The following DSCAM variants were observed in gnomAD, a reference collection of about 807,000 sequenced individuals.
DSCAM encodes DS cell adhesion molecule, also known as cell adhesion molecule DSCAM.
Under a neutral mutation model 217.7 loss-of-function variants are expected in DSCAM, and 47 were observed. The observed-to-expected ratio is 0.22, with a 90% CI of 0.17 to 0.28. DSCAM has a LOEUF of 0.28. DSCAM is among the 10% of genes least tolerant of loss of function. The pLI is 1.00. For missense variants in DSCAM, 2,080 were observed against 2,618.3 expected (o/e 0.79, Z 4.49); for synonymous variants, 1,056 against 1,015.3 (o/e 1.04, Z -0.76).
At chr21:40,541,475 T>C (rs771489717) in intron 3 of DSCAM, among the ~76,000 whole-genome samples, 6 of 152,336 alleles carry the variant, frequency 3.9e-5, no homozygotes, top group Non-Finnish European at 7.4e-5. Flanking sequence ...TCTTCATAAA[T>C]AGTTGTCTGT....
chr21:40,440,941 G>A (rs896830936), intron 3 of DSCAM, among the ~76,000 whole-genome samples: 2 of 152,158 alleles, frequency 1.3e-5, no homozygotes, highest in Non-Finnish European at 2.9e-5. Flanking sequence ...GGAGCTTTGA[G>A]GACACTCTCT....
At chr21:40,381,164 G>C (rs547575017) in intron 3 of DSCAM, among the ~76,000 whole-genome samples, 45 of 152,226 alleles carry the variant, frequency 3.0e-4, no homozygotes, top group Middle Eastern at 3.4e-3. Flanking sequence ...GTGGCTGCTA[G>C]GTCTTGGTGA....
At chr21:40,360,761 C>A (rs1041079888) in intron 4 of DSCAM, among the ~76,000 whole-genome samples, 1 of 151,942 alleles carries the variant, frequency 6.6e-6, no homozygotes, top group Non-Finnish European at 1.5e-5. Context: ...TGTGAATAGC[C>A]CAGCGATGAA....
At chr21:40,575,053 A>T (rs2076838105) in intron 3 of DSCAM, among the ~76,000 whole-genome samples, 1 of 152,162 alleles carries the variant, frequency 6.6e-6, no homozygotes, top group African/African-American at 2.4e-5. Flanking sequence ...GAAGAATCAC[A>T]AAAGTGAAAA....
chr21:40,686,547 A>G (rs1261773382), intron 3 of DSCAM, among the ~76,000 whole-genome samples: 1 of 152,158 alleles, frequency 6.6e-6, no homozygotes, highest in East Asian at 1.9e-4. Context: ...TAAAGAAAAA[A>G]TATTAACATA....
At chr21:40,399,251 C>T (rs2047075303) in intron 3 of DSCAM, among the ~76,000 whole-genome samples, 1 of 151,228 alleles carries the variant, frequency 6.6e-6, no homozygotes, top group African/African-American at 2.4e-5. Context: ...GCCTGGGTGA[C>T]AGAGGAAGAC....
At chr21:40,181,577 C>T (rs373428016) in intron 14 of DSCAM, among the ~76,000 whole-genome samples, 8 of 152,020 alleles carry the variant, frequency 5.3e-5, no homozygotes, top group Non-Finnish European at 8.8e-5. Context: ...GATTTGGCCT[C>T]GCCTGTGTTA....
At chr21:40,734,717 C>T (rs1451299281) in intron 1 of DSCAM, among the ~76,000 whole-genome samples, 2 of 152,196 alleles carry the variant, frequency 1.3e-5, no homozygotes, top group Non-Finnish European at 2.9e-5. Flanking sequence ...ATGGCTCGTT[C>T]ACACTTGATT....
At chr21:40,492,664 G>A (rs1297621674) in intron 3 of DSCAM, among the ~76,000 whole-genome samples, 1 of 142,226 alleles carries the variant, frequency 7.0e-6, no homozygotes, top group Non-Finnish European at 1.5e-5. Context: ...ACTTAAAGAA[G>A]AAATTATATA....
chr21:40,497,647 CAGT>C (rs2076129877), intron 3 of DSCAM, among the ~76,000 whole-genome samples: 1 of 152,188 alleles, frequency 6.6e-6, no homozygotes, highest in African/African-American at 2.4e-5. Context: ...TAAGTATATT[CAGT>C]AATGCATAGG....
intron 3 of DSCAM, among the ~76,000 whole-genome samples, chr21:40,398,684 G>A (rs1377227669): frequency 6.7e-6 from 1 of 149,216 alleles, no homozygotes; most frequent in Non-Finnish European, 1.5e-5. Flanking sequence ...CGCCAGGCTG[G>A]AGTGCAGTGG....
intron 1 of DSCAM, among the ~76,000 whole-genome samples, chr21:40,739,551 TCTC>T (rs1274985947): frequency 1.3e-5 from 2 of 152,156 alleles, no homozygotes; most frequent in Non-Finnish European, 1.5e-5. Flanking sequence ...TTTGTCCTAA[TCTC>T]CTCTTCTTAT....
At chr21:40,115,596 C>A (rs148085513) in intron 20 of DSCAM, among the ~76,000 whole-genome samples, 5 of 152,156 alleles carry the variant, frequency 3.3e-5, no homozygotes, top group African/African-American at 1.2e-4. Flanking sequence ...ATCAAAACCA[C>A]GATGAGATAT....
At chr21:40,073,212 A>C (rs921934418) in intron 27 of DSCAM, among the ~76,000 whole-genome samples, 1 of 152,144 alleles carries the variant, frequency 6.6e-6, no homozygotes, top group Non-Finnish European at 1.5e-5. Context: ...AAGGATGGAG[A>C]GCAATAGGAG....
At chr21:40,135,335 A>C (rs978262391) in intron 18 of DSCAM, among the ~76,000 whole-genome samples, 1 of 152,254 alleles carries the variant, frequency 6.6e-6, no homozygotes, top group African/African-American at 2.4e-5. Flanking sequence ...TGTGATATGC[A>C]TGCCTGCCTA....
chr21:40,470,849 T>C (rs904218270), intron 3 of DSCAM, among the ~76,000 whole-genome samples: 7 of 152,230 alleles, frequency 4.6e-5, no homozygotes, highest in African/African-American at 1.7e-4. Flanking sequence ...CCACCTCACC[T>C]GGGCATTTAT....
chr21:40,798,302 AAG>A (rs2091709197), intron 1 of DSCAM, among the ~76,000 whole-genome samples: 1 of 152,128 alleles, frequency 6.6e-6, no homozygotes, highest in African/African-American at 2.4e-5. Flanking sequence ...TGTAAAAAAA[AAG>A]AGAATACAAA....
intron 1 of DSCAM, among the ~76,000 whole-genome samples, chr21:40,710,554 A>T (rs1303105657): frequency 6.6e-6 from 1 of 152,208 alleles, no homozygotes; most frequent in East Asian, 1.9e-4. Context: ...TATTCTTATG[A>T]ACTGTTTTTC....
Position 40,165,696 on chromosome 21 carries a change from GGACCCAAAA to G in DSCAM, c.3018+1513_3018+1521del, listed in dbSNP as rs1048475424. 2.8e-4 allele frequency among the ~76,000 whole-genome samples: 43 copies of G among 152,278 alleles called. 1 individual carries two copies. Among genetic ancestry groups the G allele is most frequent in the African/African-American group, 9.6e-4 (40 of 41,542 alleles). ...TGTGGACAGACACCTCTCTCATGCA[GGACCCAAAA>G]GATCCAAAAAGCTTTTGAGGCCACA... On this transcript the variant is annotated intron_variant, in intron 16 of 32. Transcript: ENST00000400454.
Sources: allele counts gnomAD v4.1 joint callset (sites outside exome capture counted in the v4.1 genomes callset), GRCh38; gene constraint gnomAD v4.1.1; transcripts MANE v1.5; gene names NCBI Gene and HGNC (gene_info 2026-07-23, HGNC 2026-07-21).